PP2D1: variants seen among roughly 807,000 people sequenced by gnomAD.
The protein encoded by PP2D1 is protein phosphatase 2C like domain containing 1, also known as protein phosphatase 2C-like domain-containing protein 1.
PP2D1 carries 25 observed loss-of-function variants against 30.2 expected under a neutral mutation model. That is an observed-to-expected ratio of 0.83 (90% confidence interval 0.60 to 1.16). The LOEUF (loss-of-function observed/expected upper bound fraction) is 1.16. Among genes scored for constraint, PP2D1 ranks in the 50% most tolerant of loss-of-function variants. The pLI, the probability that PP2D1 is intolerant of heterozygous loss-of-function variation, is 0.00. For synonymous variants in PP2D1, 260 were observed against 258.9 expected (o/e 1.00, Z -0.04); for missense variants, 760 against 742.4 (o/e 1.02, Z -0.28).
In PP2D1 at chr3:19,986,136, T is replaced by G; in HGVS notation, c.1137A>C (p.Leu379=). 1.3e-6 allele frequency: 2 copies of G among 1,529,316 alleles called. No individual in the cohort carries two copies. Among genetic ancestry groups the G allele is most frequent in the Admixed American group, 4.1e-5 (2 of 49,156 alleles). 94.7% of individuals were successfully genotyped at this position (1,529,316 alleles called of 1,614,324 possible). The change falls in exon 3 of 3, where the codon CTA becomes CTC. Residue 379 remains leucine, a synonymous_variant. Coordinates refer to ENST00000389050, the MANE Select transcript of PP2D1 (RefSeq NM_001252657.2). ...VLCRNGKGFC[L]TKEHTTRNTN... is the part of the protein sequence containing the mutation. ...TGTTTCGTGTAGTATGTTCTTTGGTTAGGCAAAAACCTTTCCCATTTCTGC... is the reference window on the plus strand; with the variant it reads ...TGTTTCGTGTAGTATGTTCTTTGGTGAGGCAAAAACCTTTCCCATTTCTGC...
chr3:19,996,846 C>T (rs1490575749), intron 2 of PP2D1: 2 of 152,028 alleles, frequency 1.3e-5, no homozygotes, highest in Non-Finnish European at 2.9e-5. Context: ...GGTTTAGCCA[C>T]GTTGTGATTA....
downstream of PP2D1, chr3:19,983,608 G>C: frequency 2.6e-6 from 2 of 775,424 alleles, no homozygotes; most frequent in South Asian, 1.6e-5. Context: ...ATGATACTTT[G>C]GGGGTAACCT....
intron 2 of PP2D1, among the ~76,000 whole-genome samples, chr3:19,995,624 C>A (rs147057559): frequency 4.2e-4 from 64 of 152,264 alleles, no homozygotes; most frequent in Middle Eastern, 3.4e-3. Flanking sequence ...GAAAATAACA[C>A]CCACGATAAG....
chr3:19,983,426 G>A (rs1243560189), downstream of PP2D1, among the ~76,000 whole-genome samples: 1 of 151,200 alleles, frequency 6.6e-6, no homozygotes, highest in Non-Finnish European at 1.5e-5. Context: ...AATCGGTATA[G>A]AGAATTACAT....
intron 2 of PP2D1, among the ~76,000 whole-genome samples, chr3:19,987,955 C>T (rs13078505): frequency 0.14 from 21,764 of 152,222 alleles, 1,642 homozygotes; most frequent in South Asian, 0.21. Flanking sequence ...GGACATTTAT[C>T]ACTTCCCCAG....
At chr3:19,986,231 A>G (rs1430821265) in intron 2 of PP2D1, 49 bp from the exon 3 acceptor site, 2 of 1,294,068 alleles carry the variant, frequency 1.5e-6, no homozygotes, top group African/African-American at 1.5e-5. Context: ...AGAGATAACC[A>G]ATTGTATCAA....
intron 2 of PP2D1, among the ~76,000 whole-genome samples, chr3:19,998,167 T>C (rs998540792): frequency 2.0e-5 from 3 of 152,088 alleles, no homozygotes; most frequent in Non-Finnish European, 4.4e-5. Flanking sequence ...CTGTCTCTAC[T>C]AAAAATACAA....
intron 2 of PP2D1, among the ~76,000 whole-genome samples, chr3:19,999,081 C>CTTTTTTT (rs63201460): frequency 7.4e-6 from 1 of 135,220 alleles, no homozygotes; most frequent in Non-Finnish European, 1.6e-5. Flanking sequence ...TGTGTCTAGA[C>CTTTTTTT]TTTTTTTTTT....
At chr3:19,985,006 T>C (rs1482721227), downstream of PP2D1, 1 of 190,570 alleles carries the variant, frequency 5.2e-6, no homozygotes, top group Non-Finnish European at 1.1e-5. Flanking sequence ...ATTTTAGGTA[T>C]TTTCATTATA....
chr3:19,985,310 A>C (rs1697011566), downstream of PP2D1: 1 of 1,088,400 alleles, frequency 9.2e-7, no homozygotes. Context: ...TTGATGAATC[A>C]TCCTAATAGC....
At chr3:19,983,691 T>C, downstream of PP2D1, 1 of 1,489,052 alleles carries the variant, frequency 6.7e-7, no homozygotes, top group Non-Finnish European at 9.3e-7. Flanking sequence ...TCTATTTATT[T>C]GATCATTTTC....
At chr3:19,981,217 T>C (rs1022024313), downstream of PP2D1, among the ~76,000 whole-genome samples, 1 of 152,248 alleles carries the variant, frequency 6.6e-6, no homozygotes, top group Non-Finnish European at 1.5e-5. Context: ...GTGGTTTGAC[T>C]TACGATTTTA....
At chr3:19,996,152 G>T (rs996860491) in intron 2 of PP2D1, among the ~76,000 whole-genome samples, 2 of 151,840 alleles carry the variant, frequency 1.3e-5, no homozygotes, top group Non-Finnish European at 2.9e-5. Context: ...AAAACAAAAG[G>T]TTGTTTTTAT....
intron 1 of PP2D1, among the ~76,000 whole-genome samples, chr3:20,010,619 T>G (rs1236409176): frequency 6.6e-6 from 1 of 151,470 alleles, no homozygotes; most frequent in African/African-American, 2.4e-5. Context: ...CTGACCGACA[T>G]AGAGAAACCC....
intron 2 of PP2D1, among the ~76,000 whole-genome samples, chr3:19,992,676 T>A (rs750240050): frequency 1.3e-5 from 2 of 152,228 alleles, no homozygotes; most frequent in South Asian, 4.1e-4. Flanking sequence ...TCATTTGAAG[T>A]AACCAGACTT....
chr3:20,005,357 G>T (rs1697306338), intron 1 of PP2D1, among the ~76,000 whole-genome samples: 2 of 151,996 alleles, frequency 1.3e-5, no homozygotes, highest in South Asian at 4.2e-4. Context: ...TCTCCATGTT[G>T]GTTAGGCTCG....
At chr3:19,998,897 T>C (rs1312620952) in intron 2 of PP2D1, among the ~76,000 whole-genome samples, 1 of 152,198 alleles carries the variant, frequency 6.6e-6, no homozygotes, top group Non-Finnish European at 1.5e-5. Context: ...AGAAGTACTT[T>C]TGTAGCTAAA....
At position 20,001,191 on chromosome 3, in the gene PP2D1, C is replaced by T. The variant is rs1305653675; in HGVS notation, c.929G>A (p.Ser310Asn). The change falls in exon 2 of 3, where the codon AGT (serine) becomes AAT (asparagine). Residue 310 changes from serine (S) to asparagine (N), a missense_variant. Physicochemically the swap from Ser to Asn is conservative, Grantham distance 46. Coordinates refer to ENST00000389050, the MANE Select transcript of PP2D1 (RefSeq NM_001252657.2). ...GRKEVSRVQWSGCSAVTCILE... is the reference protein window; with the variant it reads ...GRKEVSRVQWNGCSAVTCILE... ...TATACAAGTAACTGCAGAGCAGCCA[C>T]TCCATTGAACCCTGGACACTTCTTT... 2.0e-6 allele frequency: 3 copies of T among 1,515,310 alleles called. No homozygotes were observed. Among genetic ancestry groups the T allele is most frequent in the South Asian group, 2.5e-5 (2 of 81,396 alleles). The allele number at this position is 1,515,310 out of a possible 1,614,324, so 93.9% of individuals were successfully genotyped here.
downstream of PP2D1, among the ~76,000 whole-genome samples, chr3:19,982,605 G>A (rs1442235456): frequency 6.6e-6 from 1 of 152,022 alleles, no homozygotes; most frequent in African/African-American, 2.4e-5. Context: ...GTCCCAGCAC[G>A]TGGGAGTCTG....
Sources: gnomAD v4.1 joint callset for allele counts (sites outside exome capture counted in the v4.1 genomes callset) on GRCh38, gnomAD v4.1.1 for gene constraint, MANE v1.5 for transcripts, NCBI Gene and HGNC (gene_info 2026-07-23, HGNC 2026-07-21) for gene names.